The following ARHGAP39 variants were observed in gnomAD, a reference collection of about 807,000 sequenced individuals.
The protein encoded by ARHGAP39 is rho GTPase-activating protein 39.
In ARHGAP39, 44 loss-of-function variants were observed where a neutral mutation model predicts 106.9. The observed-to-expected ratio is 0.41, with a 90% CI of 0.32 to 0.53. ARHGAP39 has a LOEUF of 0.53. Among genes scored for constraint, ARHGAP39 ranks in the 20% least tolerant of loss-of-function variants. The pLI is 0.21. For synonymous variants in ARHGAP39, 768 were observed against 693.2 expected, an observed-to-expected ratio of 1.11 and a Z score of -1.69; for missense variants, 1,496 against 1,577.3, an observed-to-expected ratio of 0.95 and a Z score of 0.87.
Position 144,547,950 on chromosome 8 carries a change from G to T in ARHGAP39, c.1136C>A (p.Pro379His). ...QQLVLTKQKC[P>H]ERFLSLEYSP... ...GTACTCCAGGCTCAGGAAGCGCTCG[G>T]GACACTTCTGCTTGGTGAGCACCAG... The change falls in exon 5 of 12, where the codon CCC (proline) becomes CAC (histidine). Residue 379 changes from proline to histidine, a missense_variant. Coordinates refer to ENST00000377307, the MANE Select transcript of ARHGAP39 (RefSeq NM_025251.3). The surrounding 1 kb of genome is among the most constrained non-coding windows in gnomAD (Gnocchi z 5.2). The T allele has an allele frequency of 6.2e-7, 1 of 1,600,178 alleles. No homozygotes were observed. Among genetic ancestry groups the T allele is most frequent in the Non-Finnish European group, 8.5e-7 (1 of 1,173,876 alleles).
chr8:144,533,586 A>T (rs1816822135), intron 8 of ARHGAP39, among the ~76,000 whole-genome samples: 1 of 152,128 alleles, frequency 6.6e-6, no homozygotes. Context: ...TCCTGGCTCC[A>T]ACTAGAGCTA....
intron 7 of ARHGAP39, among the ~76,000 whole-genome samples, chr8:144,537,267 G>A (rs1008203544): frequency 6.6e-6 from 1 of 152,092 alleles, no homozygotes; most frequent in African/African-American, 2.4e-5. Context: ...AGCAGGGGAC[G>A]ACTCCTTGCA....
chr8:144,584,738 G>A (rs985648894), intron 2 of ARHGAP39, among the ~76,000 whole-genome samples: 1 of 152,206 alleles, frequency 6.6e-6, no homozygotes, highest in Non-Finnish European at 1.5e-5. Context: ...ACTCAGGCCT[G>A]GGTGACAGAG....
chr8:144,530,771 C>T lies in ARHGAP39; in HGVS notation c.3081G>A (p.Ala1027=), dbSNP rs1419354027. 2 of 1,611,156 alleles carry T rather than the reference C, an allele frequency of 1.2e-6. No individual in the cohort carries two copies. The highest frequency in any genetic ancestry group is 1.7e-4 in the Middle Eastern group (1 of 6,050). The part of the protein sequence containing the change: ...CIAHYDSPEA[A]VAVVHALPRI... ...GGGGCAGCGCGTGCACCACGGCCAC[C>T]GCCGCCTCGGGGCTGTCGTAGTGCG... is the stretch of plus-strand genomic sequence containing the variant. The change falls in exon 11 of 12, where the codon GCG becomes GCA. Residue 1027 remains alanine (A), a synonymous_variant. Transcript: ENST00000377307.
intron 1 of ARHGAP39, among the ~76,000 whole-genome samples, chr8:144,661,199 C>T (rs1051507623): frequency 2.0e-5 from 3 of 152,174 alleles, no homozygotes; most frequent in African/African-American, 7.2e-5. Context: ...CACACACAGG[C>T]AGTGTGGAGC....
At chr8:144,621,027 A>AG (rs1279757305) in intron 1 of ARHGAP39, among the ~76,000 whole-genome samples, 4 of 152,258 alleles carry the variant, frequency 2.6e-5, no homozygotes, top group Non-Finnish European at 5.9e-5. Flanking sequence ...ACATGGTTGG[A>AG]GGGGGCCAGA....
At position 144,547,252 on chromosome 8, in the gene ARHGAP39, G is replaced by C. The variant is rs779194346; in HGVS notation, c.1834C>G (p.Gln612Glu). The change falls in exon 5 of 12, where the codon CAG becomes GAG. Residue 612 changes from glutamine to glutamate, a missense_variant. Transcript: ENST00000377307. This position sits in a 1 kb window ranked among gnomAD's most constrained non-coding sequence, Gnocchi z 5.2. ...AFSEDEALAQQENRHWRRGTF... is the reference protein window; with the variant it reads ...AFSEDEALAQEENRHWRRGTF... ...CCCCTCCTCCAGTGCCTGTTCTCCT[G>C]CTGGGCCAGCGCCTCGTCCTCGCTG... The C allele has an allele frequency of 3.7e-6, 6 of 1,612,580 alleles. No individual in the cohort carries two copies. The Admixed American group carries it at 1.0e-4, about 27-fold the overall frequency.
Position 144,548,066 on chromosome 8 carries a change from G to A in ARHGAP39, c.1020C>T (p.Tyr340=). 6.3e-7 allele frequency: 1 copy of A among 1,595,078 alleles called. No homozygotes were observed. Among genetic ancestry groups the A allele is most frequent in the African/African-American group, 1.3e-5 (1 of 74,534 alleles). ...MDVQFEAGGG[Y]QAGSPQRSPG... is the part of the protein sequence containing the mutation. ...GCGACCGCTGGGGAGAGCCGGCCTGGTAGCCCCCGCCAGCCTCGAATTGCA... is the reference window on the plus strand; with the variant it reads ...GCGACCGCTGGGGAGAGCCGGCCTGATAGCCCCCGCCAGCCTCGAATTGCA... The change falls in exon 5 of 12, where the codon TAC becomes TAT. Residue 340 remains tyrosine (Y), a synonymous_variant. Coordinates refer to ENST00000377307, the MANE Select transcript of ARHGAP39 (RefSeq NM_025251.3). This position sits in a 1 kb window ranked among gnomAD's most constrained non-coding sequence, Gnocchi z 7.4.
At chr8:144,648,446 C>T (rs1821496759) in intron 1 of ARHGAP39, among the ~76,000 whole-genome samples, 2 of 152,238 alleles carry the variant, frequency 1.3e-5, no homozygotes. Context: ...TTGCAGCACT[C>T]ACAGACCCTC....
intron 1 of ARHGAP39, among the ~76,000 whole-genome samples, chr8:144,628,047 C>T (rs1434437628): frequency 1.3e-5 from 2 of 152,236 alleles, no homozygotes; most frequent in Admixed American, 1.3e-4. Context: ...CAGTCCTGCA[C>T]CTGCGGGAGA....
At chr8:144,697,132 C>T in the ARHGAP39 span, among the ~76,000 whole-genome samples, 1 of 152,038 alleles carries the variant, frequency 6.6e-6, no homozygotes, top group South Asian at 2.1e-4. Flanking sequence ...TGAGACCTGC[C>T]TGACCAACAT....
chr8:144,695,874 T>C, the ARHGAP39 span, among the ~76,000 whole-genome samples: 1 of 152,174 alleles, frequency 6.6e-6, no homozygotes, highest in Non-Finnish European at 1.5e-5. Context: ...TATCAATTAA[T>C]TGCATTCTTG....
intron 3 of ARHGAP39, among the ~76,000 whole-genome samples, chr8:144,570,169 C>A (rs1477053682): frequency 2.6e-5 from 4 of 152,136 alleles, no homozygotes; most frequent in Non-Finnish European, 5.9e-5. Context: ...TGCAGTGAGC[C>A]GAGATGGTGC....
chr8:144,578,387 C>T (rs1197114414), intron 3 of ARHGAP39, among the ~76,000 whole-genome samples: 3 of 152,142 alleles, frequency 2.0e-5, no homozygotes, highest in East Asian at 3.8e-4. Context: ...AACAACCACT[C>T]CCAGCTAATT....
rs1174032022 is a variant in ARHGAP39, at chr8:144,646,965, A to ATTTTT, written c.-82+38716_-82+38720dup. Among the ~76,000 whole-genome samples, 4 of 114,638 alleles carry ATTTTT rather than the reference A, an allele frequency of 3.5e-5. No individual in the cohort carries two copies. Among genetic ancestry groups the ATTTTT allele is most frequent in the Non-Finnish European group, 7.3e-5 (4 of 54,576 alleles). 75.2% of individuals were successfully genotyped at this position (114,638 alleles called of 152,430 possible). A position where few individuals can be genotyped will look rare whatever the true frequency, so the allele number is the denominator to read the frequency against. ...TGGAGGCATCTGCTCTGCTCTGACC[A>ATTTTT]TTTTTTTTTTTTTTTTTTTTTTGAG... On this transcript the variant is annotated intron_variant, in intron 1 of 11. Coordinates refer to ENST00000377307, the MANE Select transcript of ARHGAP39 (RefSeq NM_025251.3). This position sits in a 1 kb window ranked among gnomAD's most constrained non-coding sequence, Gnocchi z 5.7.
At chr8:144,620,995 G>A (rs1290684115) in intron 1 of ARHGAP39, among the ~76,000 whole-genome samples, 1 of 152,282 alleles carries the variant, frequency 6.6e-6, no homozygotes, top group Non-Finnish European at 1.5e-5. Context: ...ACCAGCCTGT[G>A]AAGGCCTGCT....
rs1463369621 is a variant in ARHGAP39, at chr8:144,679,327, CCT to C, written c.-82+6357_-82+6358del. Among the ~76,000 whole-genome samples the C allele has an allele frequency of 6.6e-6, 1 of 152,182 alleles. No individual in the cohort carries two copies. The highest frequency in any genetic ancestry group is 1.9e-4 in the East Asian group (1 of 5,194). On this transcript the variant is annotated intron_variant, in intron 1 of 11. Coordinates refer to ENST00000377307, the MANE Select transcript of ARHGAP39 (RefSeq NM_025251.3). This position sits in a 1 kb window ranked among gnomAD's most constrained non-coding sequence, Gnocchi z 4.7. The stretch of plus-strand genomic sequence containing the variant: ...TCACACCCTGCTTTGGTCCGTGGAC[CCT>C]GAGATGCCAGTCCAGGATGGTGCCG...
intron 3 of ARHGAP39, among the ~76,000 whole-genome samples, chr8:144,572,911 C>G (rs984221480): frequency 3.9e-5 from 6 of 152,288 alleles, no homozygotes; most frequent in Non-Finnish European, 8.8e-5. Context: ...CAAATCAAAA[C>G]CACAATGAGA....
intron 4 of ARHGAP39, among the ~76,000 whole-genome samples, chr8:144,550,829 C>T (rs1817663163): frequency 6.6e-6 from 1 of 152,248 alleles, no homozygotes; most frequent in South Asian, 2.1e-4. Context: ...GGGTCAACCC[C>T]TCCATGGCCT....
Sources: gnomAD v4.1 joint callset for allele counts (sites outside exome capture counted in the v4.1 genomes callset) on GRCh38, gnomAD v4.1.1 for gene constraint, Gnocchi (gnomAD v3.1) non-coding constraint, MANE v1.5 for transcripts, NCBI Gene and HGNC (gene_info 2026-07-23, HGNC 2026-07-21) for gene names.